Variants in MAN1A2 observed in about 807,000 individuals in gnomAD.
MAN1A2 encodes mannosidase alpha class 1A member 2, also known as mannosyl-oligosaccharide 1,2-alpha-mannosidase IB.
MAN1A2 carries 26 observed loss-of-function variants against 75.7 expected under a neutral mutation model. The observed-to-expected ratio is 0.34, with a 90% CI of 0.25 to 0.48. The LOEUF (loss-of-function observed/expected upper bound fraction) is 0.48. MAN1A2 is among the 20% of genes least tolerant of loss of function. The pLI is 0.99. For missense variants in MAN1A2, 562 were observed against 775.5 expected (o/e 0.72, Z 3.27); for synonymous variants, 247 against 264.6 (o/e 0.93, Z 0.65).
At chr1:117,417,560 T>TATATATATATATATATATATATA (rs1648041035) in intron 4 of MAN1A2, among the ~76,000 whole-genome samples, 3 of 126,222 alleles carry the variant, frequency 2.4e-5, no homozygotes, top group African/African-American at 6.2e-5. Flanking sequence ...TATATATATG[T>TATATATATATATATATATATATA]GATATATATG....
chr1:117,507,035 T>C (rs544900508), intron 12 of MAN1A2, among the ~76,000 whole-genome samples: 25 of 151,756 alleles, frequency 1.6e-4, no homozygotes, highest in Non-Finnish European at 2.8e-4. Flanking sequence ...CATGTAAGAT[T>C]TGGCATATTT....
chr1:117,408,817 C>T (rs140985936), intron 3 of MAN1A2, among the ~76,000 whole-genome samples: 1 of 151,518 alleles, frequency 6.6e-6, no homozygotes, highest in East Asian at 1.9e-4. Context: ...CTTAATTTCT[C>T]TAATAGTAAG....
chr1:117,407,997 T>C (rs2101762099), intron 3 of MAN1A2, among the ~76,000 whole-genome samples: 1 of 152,320 alleles, frequency 6.6e-6, no homozygotes, highest in Admixed American at 6.5e-5. Flanking sequence ...CCAAATGCTG[T>C]GCTTAGGAGG....
Position 117,493,127 on chromosome 1 carries a change from T to C in MAN1A2, c.1169-20T>C, listed in dbSNP as rs542979692. 2.2e-6 allele frequency: 3 copies of C among 1,359,832 alleles called. No individual in the cohort carries two copies. The South Asian group carries it at 3.5e-5, about 16-fold the overall frequency. The allele number at this position is 1,359,832 out of a possible 1,614,324, so 84.2% of individuals were successfully genotyped here. A position where few individuals can be genotyped will look rare whatever the true frequency, so the allele number is the denominator to read the frequency against. On this transcript the variant is annotated intron_variant, in intron 8 of 12. Coordinates refer to ENST00000356554, the MANE Select transcript of MAN1A2 (RefSeq NM_006699.5). ...TCCCTTGCCTTTACCTCTATCCTTC[T>C]GTTTTCTCCTTTGTTACAGATCATA...
rs1649982191 is a variant in MAN1A2, at chr1:117,466,352, C to G, written c.1093C>G (p.Leu365Val). 3 of 1,609,564 alleles carry G rather than the reference C, an allele frequency of 1.9e-6. No individual in the cohort carries two copies. The highest frequency in any genetic ancestry group is 2.5e-6 in the Non-Finnish European group (3 of 1,176,948). The change falls in exon 8 of 13, where the codon CTA becomes GTA. Residue 365 changes from leucine to valine, a missense_variant. By Grantham distance (32) the Leu-to-Val change is conservative. Transcript: ENST00000356554. ...YYKKVMHIRKLLQKMDRPNGL... is the reference protein window; with the variant it reads ...YYKKVMHIRKVLQKMDRPNGL... ...TACTCAGGTTATGCACATTCGGAAACTACTTCAGAAAATGGATCGTCCAAA... is the reference window on the plus strand; with the variant it reads ...TACTCAGGTTATGCACATTCGGAAAGTACTTCAGAAAATGGATCGTCCAAA...
chr1:117,466,293 CTTATTT>C, intron 7 of MAN1A2, 35 bp from the exon 8 acceptor site: 1 of 1,329,208 alleles, frequency 7.5e-7, no homozygotes, highest in Non-Finnish European at 1.1e-6. Flanking sequence ...CTTGATGACA[CTTATTT>C]TTATTAATTG....
chr1:117,461,000 A>G (rs1649799387), intron 7 of MAN1A2, among the ~76,000 whole-genome samples: 1 of 152,210 alleles, frequency 6.6e-6, no homozygotes, highest in South Asian at 2.1e-4. Flanking sequence ...ATATTAAGAC[A>G]GTCTATATTT....
Position 117,528,450 on chromosome 1 carries a change from C to A in MAN1A2, c.*5493C>A, listed in dbSNP as rs41306203. The A allele has an allele frequency of 0.11, 17,080 of 151,970 alleles. 1,055 individuals are homozygous for A. The highest frequency in any genetic ancestry group is 0.14 in the Non-Finnish European group (9,366 of 67,932). The allele number at this position is 151,970 out of a possible 1,614,324, so 9.4% of individuals were successfully genotyped here. ...TGTAAGTGTGGGGATCAAACACACA[C>A]ACCTATACACATACATATTAATATG... On this transcript the variant is annotated 3_prime_UTR_variant, in exon 13 of 13. Transcript: ENST00000356554.
intron 3 of MAN1A2, 98 bp from the exon 4 acceptor site, chr1:117,414,615 A>C (rs1647928833): frequency 4.7e-6 from 3 of 640,900 alleles, no homozygotes; most frequent in Non-Finnish European, 8.4e-6. Flanking sequence ...AAATAATTAA[A>C]ATACACTGAA....
chr1:117,441,243 T>G (rs1050618237), intron 5 of MAN1A2, among the ~76,000 whole-genome samples: 32 of 152,172 alleles, frequency 2.1e-4, no homozygotes, highest in African/African-American at 7.2e-4. Context: ...CTCTCTAATA[T>G]TTTCTATCCC....
chr1:117,488,503 G>T (rs1232307745), intron 8 of MAN1A2, among the ~76,000 whole-genome samples: 1 of 151,868 alleles, frequency 6.6e-6, no homozygotes, highest in Non-Finnish European at 1.5e-5. Context: ...GCTGCAAATG[G>T]CCATTTTATA....
At chr1:117,404,043 T>C (rs568300980) in intron 2 of MAN1A2, among the ~76,000 whole-genome samples, 4 of 152,352 alleles carry the variant, frequency 2.6e-5, no homozygotes, top group African/African-American at 7.2e-5. Flanking sequence ...TGATTTTTTT[T>C]CCTTTATTCT....
chr1:117,381,308 G>A (rs929619673), intron 1 of MAN1A2, among the ~76,000 whole-genome samples: 3 of 152,026 alleles, frequency 2.0e-5, no homozygotes, highest in Admixed American at 6.6e-5. Flanking sequence ...TTAGCATTAG[G>A]TATATCTCCT....
intron 4 of MAN1A2, among the ~76,000 whole-genome samples, chr1:117,418,774 A>G (rs1322082068): frequency 6.6e-6 from 1 of 152,066 alleles, no homozygotes; most frequent in East Asian, 1.9e-4. Context: ...AGAATTTCTG[A>G]TACCTTTTGT....
intron 12 of MAN1A2, among the ~76,000 whole-genome samples, chr1:117,508,162 T>A (rs1259615826): frequency 6.6e-6 from 1 of 151,728 alleles, no homozygotes; most frequent in African/African-American, 2.4e-5. Context: ...TGAATTAGAT[T>A]TTCATTGCAC....
At chr1:117,416,755 G>T (rs1466040783) in intron 4 of MAN1A2, among the ~76,000 whole-genome samples, 1 of 152,170 alleles carries the variant, frequency 6.6e-6, no homozygotes, top group Non-Finnish European at 1.5e-5. Context: ...TCATTAAAAT[G>T]CAGTAGCTTG....
intron 3 of MAN1A2, 35 bp from the exon 4 acceptor site, chr1:117,414,678 C>G (rs778324497): frequency 3.6e-6 from 4 of 1,103,382 alleles, no homozygotes; most frequent in Non-Finnish European, 4.2e-6. Context: ...CTAAAGGGAT[C>G]TTTTTAATGA....
At position 117,525,079 on chromosome 1, in the gene MAN1A2, G is replaced by A. The variant is rs1042789552; in HGVS notation, c.*2122G>A. ...GAATGCAGAGTAAAGGGACCTTCTT[G>A]GTTCTGCAGGAACTTCTCAAGGGAT... On this transcript the variant is annotated 3_prime_UTR_variant, in exon 13 of 13. Transcript: ENST00000356554. 2 of 523,500 alleles carry A rather than the reference G, an allele frequency of 3.8e-6. No individual in the cohort carries two copies. The highest frequency in any genetic ancestry group is 7.8e-6 in the Non-Finnish European group (2 of 255,468). 32.4% of individuals were successfully genotyped at this position (523,500 alleles called of 1,614,324 possible).
intron 12 of MAN1A2, 102 bp downstream of exon 12, chr1:117,503,072 G>T: frequency 1.7e-6 from 1 of 579,128 alleles, no homozygotes; most frequent in East Asian, 3.2e-5. Flanking sequence ...ACTAAATTTT[G>T]TTGTAAATAT....
Sources: gnomAD v4.1 joint callset for allele counts (sites outside exome capture counted in the v4.1 genomes callset) on GRCh38, gnomAD v4.1.1 for gene constraint, MANE v1.5 for transcripts, NCBI Gene and HGNC (gene_info 2026-07-23, HGNC 2026-07-21) for gene names.